CAST: variants seen among roughly 807,000 people sequenced by gnomAD.
The protein encoded by CAST is calpastatin.
Under a neutral mutation model 119.6 loss-of-function variants are expected in CAST, and 76 were observed. That is an observed-to-expected ratio of 0.64 (90% CI 0.53 to 0.77). The LOEUF (loss-of-function observed/expected upper bound fraction) is 0.77. CAST is among the 30% of genes least tolerant of loss of function. The pLI, the probability that CAST is intolerant of heterozygous loss-of-function variation, is 0.00. For synonymous variants in CAST, 319 were observed against 331.6 expected (o/e 0.96, Z 0.41); for missense variants, 953 against 946.5 (o/e 1.01, Z -0.09).
chr5:96,734,183 G>A (rs1030124644), intron 9 of CAST, among the ~76,000 whole-genome samples: 2 of 152,190 alleles, frequency 1.3e-5, no homozygotes, highest in Non-Finnish European at 2.9e-5. Flanking sequence ...TTCCAACGTG[G>A]GTGAAGCACA....
chr5:96,353,709 G>A, the CAST span, among the ~76,000 whole-genome samples: 1 of 152,126 alleles, frequency 6.6e-6, no homozygotes, highest in Non-Finnish European at 1.5e-5. Flanking sequence ...TTGACCTTTA[G>A]GACTTAACAC....
At chr5:96,360,003 C>G in the CAST span, among the ~76,000 whole-genome samples, 1 of 152,082 alleles carries the variant, frequency 6.6e-6, no homozygotes, top group South Asian at 2.1e-4. Context: ...TTCACATAGT[C>G]CCATGTTTAT....
rs564524988 is a variant in CAST, at chr5:96,735,123, A to G, written c.631-1049A>G. ...CCCCCACAGTGTTTCTAGCATTGCA[A>G]TTGTAACAGTCACTTATTTAGCACT... On this transcript the variant is annotated intron_variant, in intron 9 of 31. Transcript: ENST00000675179. Among the ~76,000 whole-genome samples, 18 of 152,358 alleles carry G rather than the reference A, an allele frequency of 1.2e-4. No individual in the cohort carries two copies. The South Asian group carries it at 3.1e-3, about 26-fold the overall frequency.
intron 24 of CAST, 143 bp downstream of exon 24, chr5:96,757,797 T>A: frequency 1.6e-6 from 1 of 625,274 alleles, no homozygotes; most frequent in South Asian, 2.0e-5. Context: ...TTCAAGCGAT[T>A]CTCCTGCCCC....
intron 1 of CAST, among the ~76,000 whole-genome samples, chr5:96,607,841 G>A (rs1747289047): frequency 6.6e-6 from 1 of 152,038 alleles, no homozygotes. Context: ...GTTTGTAATT[G>A]ACAAATAATG....
the CAST span, among the ~76,000 whole-genome samples, chr5:96,401,073 C>T: frequency 2.1e-5 from 2 of 96,310 alleles, no homozygotes; most frequent in Non-Finnish European, 3.6e-5. Context: ...GGCTAAAGAG[C>T]GGGACTCCGT....
chr5:96,530,504 T>C (rs75146119), intron 1 of CAST, among the ~76,000 whole-genome samples: 1 of 152,044 alleles, frequency 6.6e-6, no homozygotes, highest in Non-Finnish European at 1.5e-5. Flanking sequence ...ACAAATAAGG[T>C]CAGGGCAATG....
In CAST at chr5:96,635,716, T is replaced by C. The variant is rs910568328; in HGVS notation, c.61-39823T>C. Among the ~76,000 whole-genome samples the C allele has an allele frequency of 3.3e-5, 5 of 152,224 alleles. 1 individual carries two copies. Among genetic ancestry groups the C allele is most frequent in the Admixed American group, 3.3e-4 (5 of 15,286 alleles). ...AGTCAATGTTCATAGCCAATTTCAC[T>C]AGCTCCTCCAAAACTGAGCTATTGC... On this transcript the variant is annotated intron_variant, in intron 1 of 11. Coordinates refer to the CAST transcript ENST00000505143.
the CAST span, among the ~76,000 whole-genome samples, chr5:96,311,153 T>C: frequency 1.3e-5 from 2 of 152,124 alleles, no homozygotes; most frequent in South Asian, 4.1e-4. Flanking sequence ...CTCAAGATGT[T>C]CTTAAATTTC....
the CAST span, among the ~76,000 whole-genome samples, chr5:96,036,368 T>G: frequency 6.6e-6 from 1 of 152,092 alleles, no homozygotes; most frequent in African/African-American, 2.4e-5. Context: ...GATAAGACTA[T>G]GGACTGAATT....
intron 1 of CAST, among the ~76,000 whole-genome samples, chr5:96,553,705 A>G (rs916700680): frequency 2.6e-5 from 4 of 152,132 alleles, no homozygotes; most frequent in African/African-American, 9.7e-5. Flanking sequence ...CTTCAGCAAA[A>G]TCTCAAGATG....
rs1459897223 is a variant in CAST, at chr5:96,773,492, A to G, written c.*876A>G. ...TATCTATACATAAAACCTGAGCAGC[A>G]ACTGTGTCTTTAGAGCTATTGCCAC... On this transcript the variant is annotated 3_prime_UTR_variant, in exon 32 of 32. Transcript: ENST00000675179. 1.3e-5 allele frequency: 2 copies of G among 152,334 alleles called. No homozygotes were observed. Among genetic ancestry groups the G allele is most frequent in the African/African-American group, 2.4e-5 (1 of 41,470 alleles). 9.4% of individuals were successfully genotyped at this position (152,334 alleles called of 1,614,324 possible).
rs117808544 is a variant in CAST, at chr5:96,742,809, C to A, written c.1200+53C>A. ...GCTTGTTAGTCTGCACATTACAAAA[C>A]CGAATGCACTCTGCATGTTTAGAAT... On this transcript the variant is annotated intron_variant, in intron 16 of 31. Coordinates refer to ENST00000675179, the MANE Select transcript of CAST (RefSeq NM_001750.7). 8,807 of 1,188,994 alleles carry A rather than the reference C, an allele frequency of 7.4e-3. 153 individuals carry two copies. Among genetic ancestry groups the A allele is most frequent in the East Asian group, 0.062 (2,568 of 41,732 alleles). The allele number at this position is 1,188,994 out of a possible 1,614,324, so 73.7% of individuals were successfully genotyped here.
At chr5:96,766,373 G>C (rs1769975818) in intron 27 of CAST, among the ~76,000 whole-genome samples, 1 of 152,118 alleles carries the variant, frequency 6.6e-6, no homozygotes, top group Non-Finnish European at 1.5e-5. Context: ...GTTGAATACT[G>C]TTCAGTCACT....
At chr5:96,557,276 C>T (rs371728973) in intron 1 of CAST, among the ~76,000 whole-genome samples, 3 of 152,056 alleles carry the variant, frequency 2.0e-5, no homozygotes, top group Non-Finnish European at 2.9e-5. Context: ...TAAAGACTAT[C>T]GATGCTAGGA....
chr5:96,572,596 C>G (rs1168203023), intron 1 of CAST, among the ~76,000 whole-genome samples: 2 of 152,170 alleles, frequency 1.3e-5, no homozygotes, highest in Non-Finnish European at 2.9e-5. Flanking sequence ...AAAGAGAGTA[C>G]TTAAAGGAAA....
the CAST span, among the ~76,000 whole-genome samples, chr5:96,345,150 C>A: frequency 6.6e-6 from 1 of 152,132 alleles, no homozygotes; most frequent in Non-Finnish European, 1.5e-5. Context: ...TGATATCTAA[C>A]AAGGAGTCTT....
At chr5:96,752,909 A>C (rs556734708) in intron 20 of CAST, among the ~76,000 whole-genome samples, 2 of 151,780 alleles carry the variant, frequency 1.3e-5, no homozygotes, top group South Asian at 4.2e-4. Context: ...CATACACTGG[A>C]AGCAACAGTT....
the CAST span, among the ~76,000 whole-genome samples, chr5:96,013,454 A>G: frequency 6.6e-6 from 1 of 152,042 alleles, no homozygotes; most frequent in South Asian, 2.1e-4. Context: ...ATAGTACTCC[A>G]TTATATATCA....
Sources: allele counts gnomAD v4.1 joint callset (sites outside exome capture counted in the v4.1 genomes callset), GRCh38; gene constraint gnomAD v4.1.1; transcripts MANE v1.5; gene names NCBI Gene and HGNC (gene_info 2026-07-23, HGNC 2026-07-21).